Variants in CDH23 observed in about 807,000 individuals in gnomAD.
CDH23 encodes the protein cadherin related 23.
In CDH23, 189 loss-of-function variants were observed where a neutral mutation model predicts 317.1. That is an observed-to-expected ratio of 0.60 (90% CI 0.53 to 0.67). The LOEUF (loss-of-function observed/expected upper bound fraction) is 0.67. Among genes scored for constraint, CDH23 ranks in the 30% least tolerant of loss-of-function variants. The probability of loss-of-function intolerance (pLI) is 0.00; values close to 1 mark genes in which losing one functional copy is unlikely to be tolerated. For missense variants in CDH23, 4,401 were observed against 4,592.4 expected (o/e 0.96, Z 1.20); for synonymous variants, 1,839 against 1,876.8 (o/e 0.98, Z 0.52).
intron 9 of CDH23, among the ~76,000 whole-genome samples, chr10:71,606,758 G>A (rs1860548369): frequency 6.6e-6 from 1 of 152,148 alleles, no homozygotes; most frequent in South Asian, 2.1e-4. Flanking sequence ...GGGTGGGAAG[G>A]TGGGGGTAAC....
At chr10:71,535,873 C>T (rs545357097) in intron 6 of CDH23, among the ~76,000 whole-genome samples, 3 of 152,250 alleles carry the variant, frequency 2.0e-5, no homozygotes, top group South Asian at 2.1e-4. Context: ...TCTCTCCACA[C>T]GGTGTTGAGT....
intron 38 of CDH23, among the ~76,000 whole-genome samples, chr10:71,765,919 G>A (rs1190390427): frequency 6.6e-6 from 1 of 152,170 alleles, no homozygotes; most frequent in Non-Finnish European, 1.5e-5. Context: ...TTTGTCCTGG[G>A]GAGGGAGGGA....
chr10:71,790,820 G>A (rs957556610), intron 46 of CDH23: 11 of 487,022 alleles, frequency 2.3e-5, no homozygotes, highest in East Asian at 7.2e-5. Flanking sequence ...GACAGGTGCC[G>A]ACAGGAAAGC....
At chr10:71,667,329 G>T (rs1337275630) in intron 14 of CDH23, among the ~76,000 whole-genome samples, 3 of 141,166 alleles carry the variant, frequency 2.1e-5, no homozygotes, top group Non-Finnish European at 4.7e-5. Context: ...ACAAGTAGGG[G>T]TGCTGCTTGA....
At chr10:71,784,505 T>G in intron 42 of CDH23, 85 bp downstream of exon 42, 1 of 1,533,506 alleles carries the variant, frequency 6.5e-7, no homozygotes, top group South Asian at 1.2e-5. Context: ...GTTACCCTTG[T>G]GCCAAGAGAG....
chr10:71,799,006 G>T, intron 50 of CDH23, 105 bp from the exon 51 acceptor site: 1 of 1,128,576 alleles, frequency 8.9e-7, no homozygotes. Context: ...CCTCCTTCAA[G>T]TGACCACAGC....
chr10:71,793,995 TG>T (rs1312390678), intron 48 of CDH23, among the ~76,000 whole-genome samples: 2 of 152,192 alleles, frequency 1.3e-5, no homozygotes, highest in African/African-American at 4.8e-5. Flanking sequence ...TTTTGTTTTT[TG>T]TTTTTGTTTT....
intron 1 of CDH23, among the ~76,000 whole-genome samples, chr10:71,418,470 T>A (rs1354845064): frequency 6.6e-6 from 1 of 152,186 alleles, no homozygotes; most frequent in Non-Finnish European, 1.5e-5. Context: ...GCCTCCCTCC[T>A]CTCTGGGATC....
rs1564779513 is a variant in CDH23 at position 71,759,986 on chromosome 10, T to TACACACACAC, written c.4846-17693_4846-17692insCACACACACA. Among the ~76,000 whole-genome samples the TACACACACAC allele has an allele frequency of 4.5e-4, 32 of 70,534 alleles. 5 individuals are homozygous for TACACACACAC. Among genetic ancestry groups the TACACACACAC allele is most frequent in the African/African-American group, 1.2e-3 (28 of 23,010 alleles). The allele number at this position is 70,534 out of a possible 152,430, so 46.3% of individuals were successfully genotyped here. On this transcript the variant is annotated intron_variant, in intron 38 of 69. Transcript: ENST00000224721. ...ACATATATATACACACACACATATA[T>TACACACACAC]ATACACACACACATACATATATATA...
At chr10:71,619,833 G>C (rs1046753458) in intron 11 of CDH23, among the ~76,000 whole-genome samples, 2 of 152,206 alleles carry the variant, frequency 1.3e-5, no homozygotes, top group Admixed American at 6.5e-5. Context: ...CAGCTTGTGT[G>C]GGGGCAGCAC....
chr10:71,755,489 A>G, intron 38 of CDH23: 1 of 1,592,984 alleles, frequency 6.3e-7, no homozygotes, highest in Non-Finnish European at 8.6e-7. Context: ...AGAGGTAGCC[A>G]AGGTGAAGCC....
At chr10:71,411,274 C>G (rs1177175666) in intron 1 of CDH23, among the ~76,000 whole-genome samples, 3 of 152,212 alleles carry the variant, frequency 2.0e-5, no homozygotes, top group African/African-American at 7.2e-5. Flanking sequence ...ACAAGATATA[C>G]TCCTCTATTT....
At chr10:71,462,593 TG>T (rs1276766616) in intron 3 of CDH23, among the ~76,000 whole-genome samples, 1 of 152,260 alleles carries the variant, frequency 6.6e-6, no homozygotes, top group Non-Finnish European at 1.5e-5. Context: ...TGCAGAGACC[TG>T]GGGTGGTTCT....
At chr10:71,432,350 A>C (rs77685490) in intron 1 of CDH23, among the ~76,000 whole-genome samples, 1 of 104,220 alleles carries the variant, frequency 9.6e-6, no homozygotes, top group Non-Finnish European at 2.0e-5. Context: ...GCGGTGTGTG[A>C]GTGTGAGAGT....
intron 3 of CDH23, among the ~76,000 whole-genome samples, chr10:71,453,355 A>G (rs1255405522): frequency 2.0e-5 from 3 of 152,210 alleles, no homozygotes; most frequent in African/African-American, 7.2e-5. Flanking sequence ...CTGACCCCGC[A>G]TCGGCAGTCT....
chr10:71,462,226 G>A (rs1428220980), intron 3 of CDH23, among the ~76,000 whole-genome samples: 7 of 152,226 alleles, frequency 4.6e-5, no homozygotes, highest in Admixed American at 2.0e-4. Context: ...GCCCCTGCCC[G>A]GCCCCGCCTT....
intron 1 of CDH23, among the ~76,000 whole-genome samples, chr10:71,433,496 T>G (rs1227695879): frequency 1.3e-5 from 2 of 152,154 alleles, no homozygotes; most frequent in Non-Finnish European, 2.9e-5. Flanking sequence ...CTTGCCCCTC[T>G]GGTGGCGGTA....
intron 38 of CDH23, chr10:71,761,029 T>C: frequency 8.6e-7 from 1 of 1,162,568 alleles, no homozygotes; most frequent in South Asian, 1.3e-5. Flanking sequence ...CTCACGCTAG[T>C]GCCTACTCGG....
chr10:71,481,307 C>T (rs753321018), intron 3 of CDH23, among the ~76,000 whole-genome samples: 3 of 152,112 alleles, frequency 2.0e-5, no homozygotes, highest in Admixed American at 1.3e-4. Context: ...CCAGGATGAG[C>T]GAAGGGGTGA....
Sources: gnomAD v4.1 joint callset for allele counts (sites outside exome capture counted in the v4.1 genomes callset) on GRCh38, gnomAD v4.1.1 for gene constraint, MANE v1.5 for transcripts, NCBI Gene and HGNC (gene_info 2026-07-23, HGNC 2026-07-21) for gene names.